The following LINGO2 variants were observed in gnomAD, a reference collection of about 807,000 sequenced individuals.
LINGO2 encodes leucine rich repeat and Ig domain containing 2.
LINGO2 carries 14 observed loss-of-function variants against 30.6 expected under a neutral mutation model. That is an observed-to-expected ratio of 0.46 (90% CI 0.30 to 0.72). The LOEUF (loss-of-function observed/expected upper bound fraction) is 0.72. Ranked by LOEUF, LINGO2 falls within the 30% of genes least tolerant of loss-of-function variation. The pLI is 0.07. For missense variants in LINGO2, 729 were observed against 751.7 expected (o/e 0.97, Z 0.35); for synonymous variants, 317 against 288.5 (o/e 1.10, Z -1.00).
At chr9:28,351,746 C>T (rs1474016010) in intron 3 of LINGO2, among the ~76,000 whole-genome samples, 1 of 152,054 alleles carries the variant, frequency 6.6e-6, no homozygotes, top group Admixed American at 6.5e-5. Flanking sequence ...GTGCAAAAAT[C>T]CTCAATAAAA....
intron 4 of LINGO2, among the ~76,000 whole-genome samples, chr9:28,291,703 G>A (rs955010946): frequency 3.9e-5 from 6 of 152,146 alleles, no homozygotes; most frequent in South Asian, 2.1e-4. Flanking sequence ...ACAGAGGCTC[G>A]ATAATTGTGG....
chr9:28,834,726 G>A, the LINGO2 span, among the ~76,000 whole-genome samples: 1 of 152,028 alleles, frequency 6.6e-6, no homozygotes, highest in East Asian at 1.9e-4. Context: ...ATTTTTTAAT[G>A]TAGTGAACTT....
chr9:28,162,132 C>G (rs1271134212), intron 4 of LINGO2, among the ~76,000 whole-genome samples: 1 of 151,884 alleles, frequency 6.6e-6, no homozygotes, highest in Non-Finnish European at 1.5e-5. Flanking sequence ...CAGGCAAATG[C>G]CAGAAACCAG....
At chr9:28,595,400 G>T (rs1296513103) in intron 1 of LINGO2, among the ~76,000 whole-genome samples, 2 of 151,946 alleles carry the variant, frequency 1.3e-5, no homozygotes, top group African/African-American at 4.8e-5. Context: ...CTAAACAAAT[G>T]ACTTTATTAA....
chr9:28,697,591 T>C, the LINGO2 span, among the ~76,000 whole-genome samples: 1 of 151,644 alleles, frequency 6.6e-6, no homozygotes, highest in East Asian at 1.9e-4. Context: ...AGCTGCTAGT[T>C]TGAAAAAAAA....
intron 5 of LINGO2, among the ~76,000 whole-genome samples, chr9:27,959,473 G>A (rs1007883833): frequency 2.0e-5 from 3 of 151,524 alleles, no homozygotes; most frequent in South Asian, 2.1e-4. Flanking sequence ...GGTCAAAAAC[G>A]TTTTCTAATT....
chr9:28,350,214 A>C (rs1195294218), intron 3 of LINGO2, among the ~76,000 whole-genome samples: 33 of 141,440 alleles, frequency 2.3e-4, no homozygotes, highest in African/African-American at 3.8e-4. Context: ...CAAATTGGAT[A>C]AAGAGTCAAG....
chr9:29,015,417 A>G, the LINGO2 span, among the ~76,000 whole-genome samples: 1 of 152,190 alleles, frequency 6.6e-6, no homozygotes, highest in Admixed American at 6.6e-5. Context: ...ATAGGGGGCC[A>G]GACAATAAAT....
chr9:28,393,236 A>C (rs1821906586), intron 2 of LINGO2, among the ~76,000 whole-genome samples: 1 of 152,256 alleles, frequency 6.6e-6, no homozygotes, highest in Admixed American at 6.5e-5. Flanking sequence ...CAGTGAAAAA[A>C]CACAAACACT....
At chr9:28,910,787 G>A in the LINGO2 span, among the ~76,000 whole-genome samples, 2 of 151,820 alleles carry the variant, frequency 1.3e-5, no homozygotes, top group African/African-American at 4.8e-5. Flanking sequence ...CCCAGTCTCA[G>A]GTAGTTATTT....
chr9:28,371,965 T>C (rs918002248), intron 3 of LINGO2, among the ~76,000 whole-genome samples: 2 of 152,124 alleles, frequency 1.3e-5, no homozygotes, highest in Non-Finnish European at 2.9e-5. Context: ...GGGTTGCGAA[T>C]CTGTTGAAGG....
At chr9:28,179,939 G>C (rs1828866770) in intron 4 of LINGO2, among the ~76,000 whole-genome samples, 1 of 151,930 alleles carries the variant, frequency 6.6e-6, no homozygotes, top group African/African-American at 2.4e-5. Flanking sequence ...ATAAACCTCT[G>C]AAGTGAATTA....
At chr9:28,065,013 C>T (rs556858616) in intron 4 of LINGO2, among the ~76,000 whole-genome samples, 2 of 151,048 alleles carry the variant, frequency 1.3e-5, no homozygotes, top group Admixed American at 6.6e-5. Flanking sequence ...TATTATAGGA[C>T]GCACAACATT....
chr9:29,195,687 T>C, the LINGO2 span, among the ~76,000 whole-genome samples: 1 of 152,016 alleles, frequency 6.6e-6, no homozygotes, highest in Non-Finnish European at 1.5e-5. Context: ...TAGAAAAAAA[T>C]ATTTTGCTAA....
chr9:28,350,906 A>G (rs1360472388), intron 3 of LINGO2, among the ~76,000 whole-genome samples: 5 of 152,136 alleles, frequency 3.3e-5, no homozygotes, highest in African/African-American at 1.2e-4. Flanking sequence ...ACTACTGGGT[A>G]CATAATGAAA....
chr9:28,959,612 T>TCACACACACA, the LINGO2 span, among the ~76,000 whole-genome samples: 16 of 132,224 alleles, frequency 1.2e-4, no homozygotes, highest in African/African-American at 5.1e-4. Flanking sequence ...TCTCTCTCCC[T>TCACACACACA]CACACACACA....
the LINGO2 span, among the ~76,000 whole-genome samples, chr9:28,686,302 A>G: frequency 6.6e-6 from 1 of 152,084 alleles, no homozygotes; most frequent in African/African-American, 2.4e-5. Flanking sequence ...TTTCAAAATT[A>G]AACAACTGAT....
At chr9:28,663,531 AAAC>A (rs1305949786) in intron 1 of LINGO2, among the ~76,000 whole-genome samples, 6 of 152,192 alleles carry the variant, frequency 3.9e-5, no homozygotes, top group African/African-American at 1.4e-4. Context: ...CAACAAAGGC[AAAC>A]AACAATTCAC....
chr9:27,964,398 T>C (rs1460833474), intron 5 of LINGO2, among the ~76,000 whole-genome samples: 1 of 152,120 alleles, frequency 6.6e-6, no homozygotes, highest in Non-Finnish European at 1.5e-5. Context: ...AGTATTTTGG[T>C]CTATAATTAC....
Sources: gnomAD v4.1 joint callset for allele counts (sites outside exome capture counted in the v4.1 genomes callset) on GRCh38, gnomAD v4.1.1 for gene constraint, MANE v1.5 for transcripts, NCBI Gene and HGNC (gene_info 2026-07-23, HGNC 2026-07-21) for gene names.